The following SLC24A4 variants were observed in gnomAD, a reference collection of about 807,000 sequenced individuals.
SLC24A4 encodes solute carrier family 24 member 4.
SLC24A4 carries 53 observed loss-of-function variants against 79.0 expected under a neutral mutation model. That is an observed-to-expected ratio of 0.67 (90% CI 0.54 to 0.84). The LOEUF (loss-of-function observed/expected upper bound fraction) is 0.84, where lower values mean the gene tolerates loss of function less well. Ranked by LOEUF, SLC24A4 falls within the 40% of genes least tolerant of loss-of-function variation. The pLI is 0.00. For synonymous variants in SLC24A4, 323 were observed against 323.8 expected (o/e 1.00, Z 0.03); for missense variants, 731 against 822.0 (o/e 0.89, Z 1.35).
chr14:92,362,966 C>T (rs183044840), intron 2 of SLC24A4, among the ~76,000 whole-genome samples: 8 of 152,348 alleles, frequency 5.3e-5, no homozygotes, highest in Admixed American at 1.3e-4. Context: ...GAAGACGAGG[C>T]GCTCAGCCTG....
intron 12 of SLC24A4, among the ~76,000 whole-genome samples, chr14:92,477,819 G>A (rs1595350493): frequency 8.9e-6 from 1 of 111,860 alleles, no homozygotes; most frequent in African/African-American, 3.6e-5. Flanking sequence ...GCCTTGCTTT[G>A]TCTCCCAGGC....
chr14:92,479,983 G>C (rs1207602501), intron 12 of SLC24A4, among the ~76,000 whole-genome samples: 1 of 152,010 alleles, frequency 6.6e-6, no homozygotes, highest in Non-Finnish European at 1.5e-5. Flanking sequence ...TTCCCTAATA[G>C]TTTGTTTTAT....
intron 2 of SLC24A4, among the ~76,000 whole-genome samples, chr14:92,389,553 C>G (rs1044512776): frequency 1.3e-5 from 2 of 152,178 alleles, no homozygotes; most frequent in Non-Finnish European, 2.9e-5. Flanking sequence ...CTGAACCTCT[C>G]CCTGGGGCTT....
chr14:92,347,321 T>G (rs1886596363), intron 2 of SLC24A4, among the ~76,000 whole-genome samples: 1 of 152,200 alleles, frequency 6.6e-6, no homozygotes. Flanking sequence ...ATTAGGAGAC[T>G]GGTGTGTCCA....
At chr14:92,388,615 T>C (rs766364412) in intron 2 of SLC24A4, among the ~76,000 whole-genome samples, 10 of 152,230 alleles carry the variant, frequency 6.6e-5, no homozygotes, top group Admixed American at 1.3e-4. Context: ...ATTTGTATAG[T>C]TGTGGGGCAG....
At chr14:92,344,477 G>A (rs1038545256) in intron 2 of SLC24A4, among the ~76,000 whole-genome samples, 1 of 152,214 alleles carries the variant, frequency 6.6e-6, no homozygotes, top group Non-Finnish European at 1.5e-5. Context: ...TTAAAAGGGA[G>A]TTCATCTTGA....
chr14:92,492,145 G>A (rs1895712478), intron 15 of SLC24A4, 30 bp from the exon 16 acceptor site: 4 of 1,604,100 alleles, frequency 2.5e-6, no homozygotes, highest in Non-Finnish European at 3.4e-6. Flanking sequence ...GCAGTCAAGA[G>A]ACTCAGGGCA....
At chr14:92,484,680 G>A (rs1176547892) in intron 13 of SLC24A4, 1 of 985,248 alleles carries the variant, frequency 1.0e-6, no homozygotes, top group African/African-American at 1.7e-5. Context: ...CTAAATGGGG[G>A]ACATGGGGAC....
intron 4 of SLC24A4, among the ~76,000 whole-genome samples, chr14:92,440,831 G>A (rs1373685333): frequency 6.6e-6 from 1 of 151,592 alleles, no homozygotes; most frequent in African/African-American, 2.4e-5. Context: ...TTTCAGAAGT[G>A]GGAAGGAGTT....
intron 4 of SLC24A4, among the ~76,000 whole-genome samples, chr14:92,439,909 C>A (rs1892396549): frequency 6.6e-6 from 1 of 152,236 alleles, no homozygotes; most frequent in Non-Finnish European, 1.5e-5. Context: ...TTCCTTATTT[C>A]TCCTCATACA....
intron 15 of SLC24A4, 83 bp from the exon 16 acceptor site, chr14:92,492,092 T>C (rs1281274729): frequency 9.3e-6 from 12 of 1,291,580 alleles, no homozygotes; most frequent in Admixed American, 1.7e-5. Flanking sequence ...AGGGAATGCA[T>C]TGGGCCCAGG....
chr14:92,433,546 A>G (rs1595272755), intron 2 of SLC24A4, among the ~76,000 whole-genome samples: 1 of 152,176 alleles, frequency 6.6e-6, no homozygotes, highest in East Asian at 1.9e-4. Flanking sequence ...GTACCATTTT[A>G]CATTTCCACC....
intron 14 of SLC24A4, among the ~76,000 whole-genome samples, chr14:92,489,162 GC>G (rs1468963813): frequency 6.6e-6 from 1 of 152,070 alleles, no homozygotes; most frequent in Non-Finnish European, 1.5e-5. Flanking sequence ...TCCTGGCTGG[GC>G]GCGGTGGGTC....
chr14:92,343,589 T>TTTCTTTCTTTCC lies in SLC24A4; in HGVS notation c.241+17622_241+17623insCTTCTTTCTTTC, dbSNP rs1491483359. On this transcript the variant is annotated intron_variant, in intron 2 of 16. Transcript: ENST00000532405. Reference sequence around the variant, plus strand: ...CACTCATTAATTACTGTTTTCTTTCTTTCTTTCTTTCTTTCTTTCTTTCTT... The same window carrying TTTCTTTCTTTCC: ...CACTCATTAATTACTGTTTTCTTTCTTTCTTTCTTTCCTTCTTTCTTTCTTTCTTTCTTTCTT... Among the ~76,000 whole-genome samples the TTTCTTTCTTTCC allele has an allele frequency of 5.1e-3, 423 of 82,388 alleles. 3 individuals carry two copies. The highest frequency in any genetic ancestry group is 0.018 in the African/African-American group (407 of 23,080). 54.0% of individuals were successfully genotyped at this position (82,388 alleles called of 152,430 possible). A position where few individuals can be genotyped will look rare whatever the true frequency, so the allele number is the denominator to read the frequency against.
intron 2 of SLC24A4, among the ~76,000 whole-genome samples, chr14:92,390,887 C>T (rs900918881): frequency 1.3e-5 from 2 of 152,194 alleles, no homozygotes; most frequent in African/African-American, 4.8e-5. Context: ...TAAAGGTTTA[C>T]GCCTCATTTA....
At chr14:92,340,855 G>A (rs1416123289) in intron 2 of SLC24A4, among the ~76,000 whole-genome samples, 1 of 152,100 alleles carries the variant, frequency 6.6e-6, no homozygotes, top group Non-Finnish European at 1.5e-5. Flanking sequence ...GGATTTTACC[G>A]AGGCCCCAGA....
chr14:92,342,855 C>T (rs1172301428), intron 2 of SLC24A4, among the ~76,000 whole-genome samples: 2 of 152,208 alleles, frequency 1.3e-5, no homozygotes, highest in African/African-American at 4.8e-5. Flanking sequence ...TGCCCATCTT[C>T]TTGGAAACAT....
intron 2 of SLC24A4, among the ~76,000 whole-genome samples, chr14:92,351,258 A>ACACACACACACACACAC (rs1886850040): frequency 6.6e-6 from 1 of 151,572 alleles, no homozygotes. Context: ...ACACACACAC[A>ACACACACACACACACAC]AAACACCCAA....
chr14:92,453,675 G>T, intron 10 of SLC24A4: 1 of 491,548 alleles, frequency 2.0e-6, no homozygotes. Context: ...CTGGAGCAAG[G>T]GGACACACTG....
Sources: gnomAD v4.1 joint callset for allele counts (sites outside exome capture counted in the v4.1 genomes callset) on GRCh38, gnomAD v4.1.1 for gene constraint, MANE v1.5 for transcripts, NCBI Gene and HGNC (gene_info 2026-07-23, HGNC 2026-07-21) for gene names.